The following UBQLN1 variants were observed in gnomAD, a reference collection of about 807,000 sequenced individuals.
UBQLN1 encodes ubiquilin-1.
UBQLN1 carries 13 observed loss-of-function variants against 65.4 expected under a neutral mutation model. The observed-to-expected ratio is 0.20, with a 90% CI of 0.13 to 0.32. UBQLN1 has a LOEUF of 0.32. Among genes scored for constraint, UBQLN1 ranks in the 10% least tolerant of loss-of-function variants. The probability of loss-of-function intolerance (pLI) is 1.00; values close to 1 mark genes in which losing one functional copy is unlikely to be tolerated. For missense variants in UBQLN1, 561 were observed against 724.0 expected (o/e 0.77, Z 2.58); for synonymous variants, 267 against 247.8 (o/e 1.08, Z -0.73).
chr9:83,679,872 AT>A lies in UBQLN1; in HGVS notation c.613del (p.Met205Ter). 1 of 1,614,168 alleles carries A rather than the reference AT, an allele frequency of 6.2e-7. No homozygotes were observed. On this transcript the variant is annotated frameshift_variant, in exon 4 of 11. Transcript: ENST00000376395. LOFTEE classifies it high-confidence loss of function. ...VQSMLSNPDL[M>X]RQLIMANPQM... Reference sequence around the variant, plus strand: ...TGGATTGGCCATAATTAACTGTCTCATCAGGTCAGGATTTGAGAGCATGCTC... The same window carrying A: ...TGGATTGGCCATAATTAACTGTCTCACAGGTCAGGATTTGAGAGCATGCTC...
intron 1 of UBQLN1, among the ~76,000 whole-genome samples, chr9:83,688,170 C>G (rs1403147169): frequency 1.3e-5 from 2 of 152,150 alleles, no homozygotes; most frequent in East Asian, 1.9e-4. Flanking sequence ...ATGCAAACAT[C>G]AGGTATATAG....
Position 83,675,206 on chromosome 9 carries a change from T to C in UBQLN1, c.1105+2521A>G, listed in dbSNP as rs1587644392. 3.3e-5 allele frequency among the ~76,000 whole-genome samples: 5 copies of C among 152,308 alleles called. No homozygotes were observed. The East Asian group carries it at 7.7e-4, about 24-fold the overall frequency. On this transcript the variant is annotated intron_variant, in intron 6 of 10. Transcript: ENST00000376395. ...GTGGCTTAGCAGAGGTAAAGTTTCA[T>C]TGCATTATTTTATTAGCTCATGCCA...
chr9:83,695,171 T>C (rs1358318206), intron 1 of UBQLN1, among the ~76,000 whole-genome samples: 2 of 150,888 alleles, frequency 1.3e-5, no homozygotes, highest in African/African-American at 2.4e-5. Flanking sequence ...AAAGTTAACT[T>C]TACCTTTTAT....
At chr9:83,699,788 C>G (rs1832281130) in intron 1 of UBQLN1, among the ~76,000 whole-genome samples, 1 of 152,204 alleles carries the variant, frequency 6.6e-6, no homozygotes, top group African/African-American at 2.4e-5. Flanking sequence ...ATTTTTGGCT[C>G]TACCAGCCAC....
In UBQLN1 at chr9:83,661,888, T is replaced by C. The variant is rs1831565272; in HGVS notation, c.1669A>G (p.Met557Val). 6.2e-7 allele frequency: 1 copy of C among 1,614,054 alleles called. No individual in the cohort carries two copies. Among genetic ancestry groups the C allele is most frequent in the Non-Finnish European group, 8.5e-7 (1 of 1,179,950 alleles). ...TTTGCTTCACGGTTCAAAAATCCCATTGCACTGAGTTGTTCCAGTTGTTGC... is the reference window on the plus strand; with the variant it reads ...TTTGCTTCACGGTTCAAAAATCCCACTGCACTGAGTTGTTCCAGTTGTTGC... ...FQQQLEQLSA[M>V]GFLNREANLQ... Residue 557 changes from methionine (M) to valine (V), a missense_variant, in exon 11 of 11, where the codon ATG becomes GTG. Physicochemically the swap from Met to Val is conservative, Grantham distance 21 (BLOSUM62 1). Around this residue, in one of 8 missense-constraint regions of UBQLN1, gnomAD observed 21 missense variants for 55.7 expected, o/e 0.38. Transcript: ENST00000376395.
intron 10 of UBQLN1, among the ~76,000 whole-genome samples, chr9:83,663,441 G>C (rs572592519): frequency 6.6e-6 from 1 of 152,160 alleles, no homozygotes; most frequent in African/African-American, 2.4e-5. Flanking sequence ...GTGGTGTCAT[G>C]GGTGGAGTTA....
intron 4 of UBQLN1, among the ~76,000 whole-genome samples, chr9:83,679,014 C>T (rs1252278339): frequency 6.6e-6 from 1 of 152,116 alleles, no homozygotes; most frequent in East Asian, 1.9e-4. Flanking sequence ...AGCCACCGCG[C>T]CCGGCCAGGA....
At position 83,707,742 on chromosome 9, in the gene UBQLN1, A is replaced by C; in HGVS notation, c.-63T>G. ...AGGAGGGAGCAGGCGAGCAAGGAGG[A>C]GCCAGCAGACACCAGAGCCGGCAGG... On this transcript the variant is annotated 5_prime_UTR_variant, in exon 1 of 11. Transcript: ENST00000376395. 1 of 1,491,030 alleles carries C rather than the reference A, an allele frequency of 6.7e-7. No individual in the cohort carries two copies. Among genetic ancestry groups the C allele is most frequent in the Non-Finnish European group, 8.8e-7 (1 of 1,131,166 alleles). The allele number at this position is 1,491,030 out of a possible 1,614,324, so 92.4% of individuals were successfully genotyped here.
At chr9:83,690,448 G>A (rs1832108273) in intron 1 of UBQLN1, among the ~76,000 whole-genome samples, 1 of 152,134 alleles carries the variant, frequency 6.6e-6, no homozygotes, top group Non-Finnish European at 1.5e-5. Context: ...GACTTCTTGG[G>A]AGTTGGTATC....
At position 83,707,695 on chromosome 9, in the gene UBQLN1, G is replaced by A; in HGVS notation, c.-16C>T. ...TCTCGGCCATGGCTGTGGCGGCGGCGGCGGCGGTGACTCAGGCAAGCAGGA... is the reference window on the plus strand; with the variant it reads ...TCTCGGCCATGGCTGTGGCGGCGGCAGCGGCGGTGACTCAGGCAAGCAGGA... On this transcript the variant is annotated 5_prime_UTR_variant, in exon 1 of 11. Transcript: ENST00000376395. 2.0e-6 allele frequency: 3 copies of A among 1,526,120 alleles called. No individual in the cohort carries two copies. The highest frequency in any genetic ancestry group is 2.6e-6 in the Non-Finnish European group (3 of 1,142,570). The allele number at this position is 1,526,120 out of a possible 1,614,324, so 94.5% of individuals were successfully genotyped here.
intron 1 of UBQLN1, among the ~76,000 whole-genome samples, chr9:83,706,493 A>G (rs1205008557): frequency 6.6e-6 from 1 of 152,212 alleles, no homozygotes; most frequent in Non-Finnish European, 1.5e-5. Context: ...CGTTAAACCA[A>G]TACCCCAATC....
chr9:83,694,491 A>T (rs1832177077), intron 1 of UBQLN1, among the ~76,000 whole-genome samples: 1 of 152,218 alleles, frequency 6.6e-6, no homozygotes, highest in South Asian at 2.1e-4. Flanking sequence ...AACCCTTTAT[A>T]CAAGGATGCC....
chr9:83,698,827 C>T (rs1832264217), intron 1 of UBQLN1, among the ~76,000 whole-genome samples: 1 of 151,378 alleles, frequency 6.6e-6, no homozygotes, highest in African/African-American at 2.4e-5. Context: ...GCAGGAGGAT[C>T]ACTTGAACTT....
chr9:83,685,980 G>A (rs370271248), intron 2 of UBQLN1, 24 bp downstream of exon 2: 36 of 1,583,312 alleles, frequency 2.3e-5, no homozygotes, highest in Non-Finnish European at 3.0e-5. Flanking sequence ...CAATTTTAAA[G>A]CTGTACATCT....
At chr9:83,696,769 G>C (rs1832222716) in intron 1 of UBQLN1, among the ~76,000 whole-genome samples, 1 of 152,118 alleles carries the variant, frequency 6.6e-6, no homozygotes, top group African/African-American at 2.4e-5. Flanking sequence ...GGCAACATGG[G>C]ATTAGAAAGT....
At position 83,677,738 on chromosome 9, in the gene UBQLN1, G is replaced by A; in HGVS notation, c.1094C>T (p.Pro365Leu). The A allele has an allele frequency of 6.2e-7, 1 of 1,611,460 alleles. No homozygotes were observed. Among genetic ancestry groups the A allele is most frequent in the Non-Finnish European group, 8.5e-7 (1 of 1,178,110 alleles). ...TGTTAAAAGCATACCTCCTACTCCA[G>A]GCACCAAATTTGGCGCAGTAGTACT... ...GQSTTAPNLVPGVGASMFNTP... is the reference protein window; with the variant it reads ...GQSTTAPNLVLGVGASMFNTP... Residue 365 changes from proline (P) to leucine (L), a missense_variant, in exon 6 of 11, where the codon CCT becomes CTT. Physicochemically the swap from Pro to Leu is moderately conservative, Grantham distance 98. This residue lies in a region of UBQLN1 where 102 missense variants were observed against 150.7 expected (regional missense o/e 0.68). Coordinates refer to ENST00000376395, the MANE Select transcript of UBQLN1 (RefSeq NM_013438.5).
intron 1 of UBQLN1, among the ~76,000 whole-genome samples, chr9:83,704,169 T>A (rs2131192125): frequency 6.6e-6 from 1 of 152,356 alleles, no homozygotes; most frequent in South Asian, 2.1e-4. Flanking sequence ...AATTTCTAAC[T>A]GGACACTTTC....
chr9:83,674,090 T>C (rs182179163), intron 6 of UBQLN1, among the ~76,000 whole-genome samples: 1 of 152,036 alleles, frequency 6.6e-6, no homozygotes, highest in Non-Finnish European at 1.5e-5. Context: ...TGAGCCACCA[T>C]GCCACACCTG....
chr9:83,690,018 C>T (rs938620269), intron 1 of UBQLN1, among the ~76,000 whole-genome samples: 1 of 152,222 alleles, frequency 6.6e-6, no homozygotes, highest in Non-Finnish European at 1.5e-5. Context: ...GGAAACCACA[C>T]ACACTGTGGG....
Sources: allele counts gnomAD v4.1 joint callset (sites outside exome capture counted in the v4.1 genomes callset), GRCh38; gene constraint gnomAD v4.1.1; regional missense constraint gnomAD v4.1.1; transcripts MANE v1.5; gene names NCBI Gene and HGNC (gene_info 2026-07-23, HGNC 2026-07-21).